The following RALGAPA1 variants were observed in gnomAD, a reference collection of about 807,000 sequenced individuals.
The protein encoded by RALGAPA1 is ral GTPase-activating protein subunit alpha-1.
RALGAPA1 carries 52 observed loss-of-function variants against 269.6 expected under a neutral mutation model. The ratio of observed to expected loss-of-function variants is 0.19; its 90% CI spans 0.15 to 0.24. The LOEUF (loss-of-function observed/expected upper bound fraction) is 0.24. Ranked by LOEUF, RALGAPA1 falls within the 10% of genes least tolerant of loss-of-function variation. The pLI is 1.00. For synonymous variants in RALGAPA1, 817 were observed against 1,008.3 expected, an observed-to-expected ratio of 0.81 and a Z score of 3.60; for missense variants, 1,917 against 3,013.9, an observed-to-expected ratio of 0.64 and a Z score of 8.52.
chr14:35,749,896 G>A (rs951696055), intron 9 of RALGAPA1, among the ~76,000 whole-genome samples: 1 of 151,924 alleles, frequency 6.6e-6, no homozygotes, highest in African/African-American at 2.4e-5. Flanking sequence ...GAAAATAAAA[G>A]TAGTAAAAAT....
chr14:35,786,454 C>T (rs7155159), intron 1 of RALGAPA1, among the ~76,000 whole-genome samples: 3,302 of 151,832 alleles, frequency 0.022, 121 homozygotes, highest in African/African-American at 0.075. Context: ...GAGACCATCC[C>T]GGCTAACCCC....
intron 2 of RALGAPA1, 25 bp downstream of exon 2, chr14:35,775,610 G>A (rs747440111): frequency 1.4e-5 from 21 of 1,547,268 alleles, no homozygotes; most frequent in South Asian, 3.8e-5. Flanking sequence ...ATTAACATAC[G>A]CCAAGATATA....
At chr14:35,568,879 TTTC>T (rs2056931490) in intron 39 of RALGAPA1, among the ~76,000 whole-genome samples, 1 of 152,214 alleles carries the variant, frequency 6.6e-6, no homozygotes, top group Non-Finnish European at 1.5e-5. Flanking sequence ...CCTACCGAAA[TTTC>T]TTTTCAATTG....
chr14:35,710,482 T>C (rs2068226530), intron 16 of RALGAPA1, among the ~76,000 whole-genome samples: 1 of 152,182 alleles, frequency 6.6e-6, no homozygotes. Flanking sequence ...GGTCTCAAAC[T>C]CCTGACCTCA....
intron 41 of RALGAPA1, among the ~76,000 whole-genome samples, chr14:35,546,229 G>C (rs962125217): frequency 6.6e-6 from 1 of 151,984 alleles, no homozygotes; most frequent in Non-Finnish European, 1.5e-5. Flanking sequence ...TAATAATACT[G>C]AAAGTAATAC....
chr14:35,647,106 T>C (rs1456159570), intron 31 of RALGAPA1, among the ~76,000 whole-genome samples: 1 of 152,172 alleles, frequency 6.6e-6, no homozygotes, highest in Non-Finnish European at 1.5e-5. Context: ...AACTTAACCT[T>C]TCTAAGGCTC....
chr14:35,644,629 A>C (rs1594945670), intron 31 of RALGAPA1, among the ~76,000 whole-genome samples: 1 of 152,396 alleles, frequency 6.6e-6, no homozygotes, highest in South Asian at 2.1e-4. Flanking sequence ...AGAAGTAAAC[A>C]TATCCAGATA....
chr14:35,784,989 C>A (rs954193641), intron 1 of RALGAPA1, among the ~76,000 whole-genome samples: 1 of 151,958 alleles, frequency 6.6e-6, no homozygotes, highest in Admixed American at 6.6e-5. Flanking sequence ...TTGAAATTAG[C>A]CTGCCAATAT....
intron 10 of RALGAPA1, among the ~76,000 whole-genome samples, chr14:35,745,801 AG>A (rs1317023181): frequency 7.0e-6 from 1 of 143,140 alleles, no homozygotes; most frequent in Non-Finnish European, 1.5e-5. Context: ...AGAAAATCCT[AG>A]GGCCAGGCAC....
At chr14:35,576,415 T>C (rs1041347244) in intron 37 of RALGAPA1, among the ~76,000 whole-genome samples, 2 of 152,260 alleles carry the variant, frequency 1.3e-5, no homozygotes, top group Non-Finnish European at 2.9e-5. Flanking sequence ...TCAGATTATC[T>C]TTAAGCTTAT....
At chr14:35,737,076 T>C (rs2071075519) in intron 12 of RALGAPA1, among the ~76,000 whole-genome samples, 1 of 149,306 alleles carries the variant, frequency 6.7e-6, no homozygotes, top group African/African-American at 2.5e-5. Flanking sequence ...AATGAACTCC[T>C]ACAAACCATT....
chr14:35,675,209 ACT>A (rs1203633995), intron 22 of RALGAPA1, among the ~76,000 whole-genome samples: 1 of 151,892 alleles, frequency 6.6e-6, no homozygotes, highest in Non-Finnish European at 1.5e-5. Context: ...GGAGTCTTGC[ACT>A]CTCTCCCAGG....
At chr14:35,759,260 T>G (rs555020629) in intron 6 of RALGAPA1, among the ~76,000 whole-genome samples, 2 of 152,362 alleles carry the variant, frequency 1.3e-5, no homozygotes, top group South Asian at 4.1e-4. Flanking sequence ...CCACAAAACC[T>G]AAATTTATAG....
chr14:35,690,995 T>TGAGGCA (rs1224424087), intron 17 of RALGAPA1, among the ~76,000 whole-genome samples: 5 of 151,686 alleles, frequency 3.3e-5, no homozygotes, highest in Non-Finnish European at 7.4e-5. Flanking sequence ...CTTGAACCCA[T>TGAGGCA]GAGGCAGAGG....
chr14:35,543,388 C>T (rs2054182369), intron 41 of RALGAPA1, among the ~76,000 whole-genome samples: 1 of 152,084 alleles, frequency 6.6e-6, no homozygotes. Flanking sequence ...AAATGAGGAA[C>T]ATTTTTGAAG....
intron 1 of RALGAPA1, among the ~76,000 whole-genome samples, chr14:35,780,422 C>T (rs1164404885): frequency 1.3e-5 from 2 of 152,136 alleles, no homozygotes; most frequent in Non-Finnish European, 2.9e-5. Flanking sequence ...AGAATACAGT[C>T]TTTTCAAATG....
chr14:35,764,167 T>C (rs1351403673), intron 4 of RALGAPA1, among the ~76,000 whole-genome samples: 2 of 151,988 alleles, frequency 1.3e-5, no homozygotes, highest in African/African-American at 4.8e-5. Context: ...CATAGATCAC[T>C]GCAGCCTCAA....
chr14:35,683,302 C>A (rs1391017532), intron 21 of RALGAPA1: 1 of 152,244 alleles, frequency 6.6e-6, no homozygotes, highest in East Asian at 1.9e-4. Context: ...CCAAAAAGCA[C>A]AAACTACTAT....
chr14:35,607,603 G>C (rs1389980827), intron 35 of RALGAPA1, among the ~76,000 whole-genome samples: 1 of 152,212 alleles, frequency 6.6e-6, no homozygotes, highest in African/African-American at 2.4e-5. Flanking sequence ...CTGACTTGTA[G>C]AGTGACACTG....
Sources: allele counts gnomAD v4.1 joint callset (sites outside exome capture counted in the v4.1 genomes callset), GRCh38; gene constraint gnomAD v4.1.1; transcripts MANE v1.5; gene names NCBI Gene and HGNC (gene_info 2026-07-23, HGNC 2026-07-21).